SPIDR: variants seen among roughly 807,000 people sequenced by gnomAD.
The protein encoded by SPIDR is scaffold protein involved in DNA repair.
SPIDR carries 93 observed loss-of-function variants against 104.6 expected under a neutral mutation model. The observed-to-expected ratio is 0.89, with a 90% CI of 0.75 to 1.06. The LOEUF is 1.06. Ranked by LOEUF, SPIDR falls within the 50% of genes least tolerant of loss-of-function variation. SPIDR has a pLI of 0.00. For missense variants in SPIDR, 1,154 were observed against 1,111.2 expected, an observed-to-expected ratio of 1.04 and a Z score of -0.55; for synonymous variants, 431 against 416.9, an observed-to-expected ratio of 1.03 and a Z score of -0.41.
chr8:47,707,018 C>T (rs1031793756), intron 14 of SPIDR, among the ~76,000 whole-genome samples: 6 of 151,838 alleles, frequency 4.0e-5, no homozygotes, highest in African/African-American at 9.7e-5. Flanking sequence ...TTTGGGAGGC[C>T]GAGGCAGGTA....
In SPIDR at chr8:47,351,360, G is replaced by A. The variant is rs140959338; in HGVS notation, c.526-45016G>A. ...TTTGAGGTCCCATGTTTTAAAAGCA[G>A]TGTGAAGAAGGTAGGTGAGTTCAGA... On this transcript the variant is annotated intron_variant, in intron 5 of 19. Coordinates refer to ENST00000297423, the MANE Select transcript of SPIDR (RefSeq NM_001080394.4). Among the ~76,000 whole-genome samples, 576 of 152,268 alleles carry A rather than the reference G, an allele frequency of 3.8e-3. 3 individuals are homozygous for A. The highest frequency in any genetic ancestry group is 0.022 in the South Asian group (108 of 4,828).
chr8:47,357,806 A>C (rs944621558), intron 5 of SPIDR: 10 of 966,578 alleles, frequency 1.0e-5, no homozygotes, highest in Non-Finnish European at 1.2e-5. Flanking sequence ...AATGGAGAGG[A>C]TATAAGGAGA....
intron 11 of SPIDR, among the ~76,000 whole-genome samples, chr8:47,692,408 C>T (rs1391260651): frequency 7.3e-5 from 11 of 151,356 alleles, no homozygotes; most frequent in Admixed American, 7.3e-4. Flanking sequence ...TGGAACCATA[C>T]AGATGTGACC....
Position 47,686,938 on chromosome 8 carries a change from G to T in SPIDR, c.1685+12997G>T, listed in dbSNP as rs974806523. Reference sequence around the variant, plus strand: ...ACTGCCTGCTTTTGGTTTAGTTAGGGTTCTTTTTTTTTTTCAAAGTTTACT... The same window carrying T: ...ACTGCCTGCTTTTGGTTTAGTTAGGTTTCTTTTTTTTTTTCAAAGTTTACT... On this transcript the variant is annotated intron_variant, in intron 11 of 19. Coordinates refer to ENST00000297423, the MANE Select transcript of SPIDR (RefSeq NM_001080394.4). Among the ~76,000 whole-genome samples, 13 of 149,532 alleles carry T rather than the reference G, an allele frequency of 8.7e-5. No individual in the cohort carries two copies. The East Asian group carries it at 2.3e-3, about 27-fold the overall frequency.
At chr8:47,547,349 G>T in intron 8 of SPIDR, 1 of 445,794 alleles carries the variant, frequency 2.2e-6, no homozygotes, top group Non-Finnish European at 4.4e-6. Context: ...CCAGCAGGGT[G>T]GGTTATATCA....
chr8:47,565,436 G>T (rs1377425393), intron 8 of SPIDR, among the ~76,000 whole-genome samples: 1 of 152,054 alleles, frequency 6.6e-6, no homozygotes, highest in African/African-American at 2.4e-5. Flanking sequence ...TGAAAATAAA[G>T]AACCTTGTAC....
intron 5 of SPIDR, among the ~76,000 whole-genome samples, chr8:47,384,577 C>A (rs2059671942): frequency 6.6e-6 from 1 of 152,108 alleles, no homozygotes; most frequent in Non-Finnish European, 1.5e-5. Context: ...ACTTAGGTTT[C>A]AGATTTCTTT....
chr8:47,465,435 T>C (rs2154355016), intron 8 of SPIDR, among the ~76,000 whole-genome samples: 1 of 152,206 alleles, frequency 6.6e-6, no homozygotes, highest in South Asian at 2.1e-4. Flanking sequence ...TGGATAAAGA[T>C]TCAAGGCCCA....
intron 5 of SPIDR, among the ~76,000 whole-genome samples, chr8:47,309,196 C>G (rs1478336589): frequency 6.6e-6 from 1 of 152,120 alleles, no homozygotes; most frequent in Admixed American, 6.5e-5. Flanking sequence ...AAAGGGAAAT[C>G]TGGAGTTCTT....
At chr8:47,295,916 A>C (rs1365929914) in intron 5 of SPIDR, among the ~76,000 whole-genome samples, 7 of 152,128 alleles carry the variant, frequency 4.6e-5, no homozygotes, top group Non-Finnish European at 8.8e-5. Flanking sequence ...ACAATGTACA[A>C]GTTCCCTTTT....
chr8:47,458,209 C>A (rs1228145344), intron 8 of SPIDR, among the ~76,000 whole-genome samples: 1 of 152,098 alleles, frequency 6.6e-6, no homozygotes, highest in Non-Finnish European at 1.5e-5. Flanking sequence ...TTCTACCCAT[C>A]CATGAGCATG....
intron 10 of SPIDR, among the ~76,000 whole-genome samples, chr8:47,672,959 C>A (rs900409479): frequency 4.6e-5 from 7 of 152,226 alleles, no homozygotes; most frequent in African/African-American, 1.7e-4. Flanking sequence ...GCCAAGGCAG[C>A]ACTTAAGGCT....
In SPIDR at chr8:47,505,611, C is replaced by A. The variant is rs188657761; in HGVS notation, c.1097+65069C>A. Among the ~76,000 whole-genome samples the A allele has an allele frequency of 4.4e-3, 665 of 152,334 alleles. 5 individuals carry two copies. The highest frequency in any genetic ancestry group is 0.015 in the African/African-American group (619 of 41,586). On this transcript the variant is annotated intron_variant, in intron 8 of 19. Transcript: ENST00000297423. Reference sequence around the variant, plus strand: ...GGTGAGGCAGTGCCTCGCCCTGCTTCGGCTCATGCTCGGTCCGCTGCGCCC... The same window carrying A: ...GGTGAGGCAGTGCCTCGCCCTGCTTAGGCTCATGCTCGGTCCGCTGCGCCC...
chr8:47,445,001 T>C (rs1554700413), intron 8 of SPIDR, among the ~76,000 whole-genome samples: 1 of 152,198 alleles, frequency 6.6e-6, no homozygotes, highest in Non-Finnish European at 1.5e-5. Context: ...TAGTAAAGGG[T>C]ATGTGTTTCG....
rs539137057 is a variant in SPIDR, at chr8:47,720,549, A to C, written c.2342-6651A>C. Among the ~76,000 whole-genome samples the C allele has an allele frequency of 1.6e-4, 24 of 152,316 alleles. No homozygotes were observed. In the South Asian group the frequency reaches 5.0e-3, roughly 32 times the overall value. ...TGTAGTAGTATCTCACTGCTGCTTC[A>C]ATTTGCAATTCCTTAATGACATATG... On this transcript the variant is annotated intron_variant, in intron 16 of 19. Coordinates refer to ENST00000297423, the MANE Select transcript of SPIDR (RefSeq NM_001080394.4).
chr8:47,671,877 A>G (rs1489824674), intron 10 of SPIDR, among the ~76,000 whole-genome samples: 2 of 152,144 alleles, frequency 1.3e-5, no homozygotes, highest in African/African-American at 4.8e-5. Flanking sequence ...AGTCTTTGGT[A>G]TTCTCTAGTT....
At chr8:47,308,011 T>C (rs1278050738) in intron 5 of SPIDR, among the ~76,000 whole-genome samples, 1 of 152,116 alleles carries the variant, frequency 6.6e-6, no homozygotes, top group African/African-American at 2.4e-5. Flanking sequence ...TTGAATATAA[T>C]GATGTGGTAA....
Position 47,701,991 on chromosome 8 carries a change from C to T in SPIDR, c.1953C>T (p.Ala651=). 1 of 1,613,670 alleles carries T rather than the reference C, an allele frequency of 6.2e-7. No individual in the cohort carries two copies. The highest frequency in any genetic ancestry group is 1.1e-5 in the South Asian group (1 of 91,062). The change falls in exon 14 of 20, where the codon GCC becomes GCT. Residue 651 remains alanine, a synonymous_variant. Transcript: ENST00000297423. ...TTGGTACCCGTTGCAGTTTCTATGC[C>T]ACGGTGATTTACCAAAAACCACAGG... ...NDLGTRCSFY[A]TVIYQKPQLK...
chr8:47,575,432 A>G (rs1352874369), intron 8 of SPIDR, among the ~76,000 whole-genome samples: 3 of 151,572 alleles, frequency 2.0e-5, no homozygotes, highest in Non-Finnish European at 2.9e-5. Flanking sequence ...TCACGAGGTC[A>G]GGAGATCGAG....
Sources: gnomAD v4.1 joint callset for allele counts (sites outside exome capture counted in the v4.1 genomes callset) on GRCh38, gnomAD v4.1.1 for gene constraint, MANE v1.5 for transcripts, NCBI Gene and HGNC (gene_info 2026-07-23, HGNC 2026-07-21) for gene names.